DEPDC1B: variants seen among roughly 807,000 people sequenced by gnomAD.
DEPDC1B encodes DEP domain containing 1B, also known as DEP domain-containing protein 1B.
DEPDC1B carries 51 observed loss-of-function variants against 66.5 expected under a neutral mutation model. The ratio of observed to expected loss-of-function variants is 0.77; its 90% CI spans 0.61 to 0.97. The LOEUF is 0.97. DEPDC1B is among the 50% of genes least tolerant of loss of function. The pLI, the probability that DEPDC1B is intolerant of heterozygous loss-of-function variation, is 0.00. For missense variants in DEPDC1B, 552 were observed against 637.1 expected, an observed-to-expected ratio of 0.87 and a Z score of 1.44; for synonymous variants, 226 against 223.6, an observed-to-expected ratio of 1.01 and a Z score of -0.10.
intron 7 of DEPDC1B, among the ~76,000 whole-genome samples, chr5:60,636,221 C>G (rs1002129009): frequency 6.6e-6 from 1 of 152,170 alleles, no homozygotes; most frequent in Non-Finnish European, 1.5e-5. Flanking sequence ...GCAGGTCAGA[C>G]AGCTGGGCCA....
intron 10 of DEPDC1B, 87 bp from the exon 11 acceptor site, chr5:60,598,001 C>A (rs1198021373): frequency 1.8e-6 from 2 of 1,119,812 alleles, no homozygotes; most frequent in African/African-American, 1.6e-5. Context: ...AGTTTCTGAG[C>A]CTGTATTTTC....
chr5:60,625,268 G>C (rs1419163221), intron 7 of DEPDC1B, among the ~76,000 whole-genome samples: 1 of 152,092 alleles, frequency 6.6e-6, no homozygotes, highest in Non-Finnish European at 1.5e-5. Context: ...CCCAGTAACG[G>C]GATGGCTGGG....
chr5:60,662,272 C>T (rs1402482554), intron 2 of DEPDC1B, among the ~76,000 whole-genome samples: 1 of 152,086 alleles, frequency 6.6e-6, no homozygotes, highest in Non-Finnish European at 1.5e-5. Flanking sequence ...CCTATAGTCC[C>T]AGCTACTCCA....
At chr5:60,647,308 T>C in intron 3 of DEPDC1B, 90 bp downstream of exon 3, 1 of 1,461,406 alleles carries the variant, frequency 6.8e-7, no homozygotes, top group South Asian at 1.5e-5. Flanking sequence ...AAATTATTGT[T>C]CATAAAGGAC....
At chr5:60,627,230 A>G (rs1752825224) in intron 7 of DEPDC1B, among the ~76,000 whole-genome samples, 1 of 152,102 alleles carries the variant, frequency 6.6e-6, no homozygotes, top group Admixed American at 6.5e-5. Flanking sequence ...CATCACTAAG[A>G]GGTTACTGAC....
At chr5:60,677,328 T>TACACA (rs1561389081) in intron 2 of DEPDC1B, among the ~76,000 whole-genome samples, 2 of 50,810 alleles carry the variant, frequency 3.9e-5, no homozygotes, top group African/African-American at 1.3e-4. Context: ...ACACACACAC[T>TACACA]CTCTCTCTCT....
At chr5:60,602,064 T>G (rs1004127535) in intron 9 of DEPDC1B, among the ~76,000 whole-genome samples, 1 of 151,392 alleles carries the variant, frequency 6.6e-6, no homozygotes, top group African/African-American at 2.4e-5. Context: ...TATTTAATGA[T>G]GGGGGAATTT....
intron 2 of DEPDC1B, among the ~76,000 whole-genome samples, chr5:60,671,113 G>T (rs1754024664): frequency 6.6e-6 from 1 of 152,124 alleles, no homozygotes; most frequent in African/African-American, 2.4e-5. Context: ...GAAGTTTTGG[G>T]TCACACTACC....
intron 7 of DEPDC1B, among the ~76,000 whole-genome samples, chr5:60,614,574 T>C (rs1353787001): frequency 6.6e-6 from 1 of 152,240 alleles, no homozygotes; most frequent in Non-Finnish European, 1.5e-5. Flanking sequence ...TAATTTATCA[T>C]ATGATAGGAA....
At chr5:60,677,754 T>C (rs1487171859) in intron 2 of DEPDC1B, among the ~76,000 whole-genome samples, 1 of 152,098 alleles carries the variant, frequency 6.6e-6, no homozygotes, top group Non-Finnish European at 1.5e-5. Context: ...GCCCTGTCAG[T>C]TTATATTTGA....
rs1752768515 is a variant in DEPDC1B, at chr5:60,624,388, T to C, written c.898+14362A>G. Among the ~76,000 whole-genome samples the C allele has an allele frequency of 2.0e-5, 3 of 152,222 alleles. No individual in the cohort carries two copies. The South Asian group carries it at 6.2e-4, about 31-fold the overall frequency. ...TTGTCCTTTTTATCTACTGCTGCAT[T>C]CAATTTGCAAATTTAATGTATTTTT... On this transcript the variant is annotated intron_variant, in intron 7 of 10. Transcript: ENST00000265036.
At chr5:60,665,438 T>A (rs1343756342) in intron 2 of DEPDC1B, among the ~76,000 whole-genome samples, 2 of 152,196 alleles carry the variant, frequency 1.3e-5, no homozygotes, top group African/African-American at 4.8e-5. Flanking sequence ...GTTAAGTTTG[T>A]CTCTTCCAAA....
At chr5:60,688,296 A>C (rs1048317963) in intron 1 of DEPDC1B, among the ~76,000 whole-genome samples, 1 of 152,104 alleles carries the variant, frequency 6.6e-6, no homozygotes, top group African/African-American at 2.4e-5. Context: ...GTTCCTTTGA[A>C]AGGACCTAGA....
chr5:60,669,423 C>CA (rs1356009283), intron 2 of DEPDC1B, among the ~76,000 whole-genome samples: 1 of 152,082 alleles, frequency 6.6e-6, no homozygotes, highest in South Asian at 2.1e-4. Context: ...AACAACAATA[C>CA]AAAAAAACAC....
At chr5:60,644,903 G>A in intron 4 of DEPDC1B, 28 bp from the exon 5 acceptor site, 1 of 1,510,802 alleles carries the variant, frequency 6.6e-7, no homozygotes, top group Non-Finnish European at 9.0e-7. Flanking sequence ...ATATTAATTA[G>A]TTCTGTCTTT....
intron 2 of DEPDC1B, among the ~76,000 whole-genome samples, chr5:60,656,350 C>T (rs532935598): frequency 9.2e-5 from 14 of 152,044 alleles, no homozygotes; most frequent in South Asian, 2.1e-4. Flanking sequence ...TCAGTAGAGA[C>T]GGGGTTTCAC....
At chr5:60,662,763 C>G (rs1753749552) in intron 2 of DEPDC1B, among the ~76,000 whole-genome samples, 1 of 152,138 alleles carries the variant, frequency 6.6e-6, no homozygotes, top group South Asian at 2.1e-4. Flanking sequence ...AGCCACTAAC[C>G]AGATGATCCA....
At chr5:60,617,090 GA>G (rs1244062472) in intron 7 of DEPDC1B, among the ~76,000 whole-genome samples, 15 of 151,944 alleles carry the variant, frequency 9.9e-5, no homozygotes, top group African/African-American at 3.6e-4. Context: ...CAAATGCTGA[GA>G]GATTTTGTCA....
intron 7 of DEPDC1B, among the ~76,000 whole-genome samples, chr5:60,623,655 A>G (rs945924336): frequency 1.3e-5 from 2 of 152,170 alleles, no homozygotes; most frequent in Non-Finnish European, 1.5e-5. Flanking sequence ...TGAACATAGT[A>G]TGTCTCTCCA....
Sources: gnomAD v4.1 joint callset for allele counts (sites outside exome capture counted in the v4.1 genomes callset) on GRCh38, gnomAD v4.1.1 for gene constraint, MANE v1.5 for transcripts, NCBI Gene and HGNC (gene_info 2026-07-23, HGNC 2026-07-21) for gene names.